Variants in STRIP1 observed in about 807,000 individuals in gnomAD.
The protein encoded by STRIP1 is striatin interacting protein 1.
STRIP1 carries 63 observed loss-of-function variants against 106.2 expected under a neutral mutation model. The observed-to-expected ratio is 0.59, with a 90% confidence interval of 0.48 to 0.73. The LOEUF is 0.73. STRIP1 is among the 30% of genes least tolerant of loss of function. The pLI, the probability that STRIP1 is intolerant of heterozygous loss-of-function variation, is 0.00. For synonymous variants in STRIP1, 390 were observed against 413.0 expected (o/e 0.94, Z 0.67); for missense variants, 857 against 1,074.8 (o/e 0.80, Z 2.83).
Position 110,041,626 on chromosome 1 carries a change from C to T in STRIP1, c.741C>T (p.Thr247=). ...CTGAGTGGAGGACCATGCGGCAGAC[C>T]TTCAGAGCCGAGCTGGGTAGGACCC... ...DKAEWRTMRQ[T]FRAELGSPLY... The change falls in exon 7 of 21, where the codon ACC becomes ACT. Residue 247 remains threonine (T), a synonymous_variant. Coordinates refer to ENST00000369795, the MANE Select transcript of STRIP1 (RefSeq NM_033088.4). 6.2e-7 allele frequency: 1 copy of T among 1,614,124 alleles called. No homozygotes were observed. Among genetic ancestry groups the T allele is most frequent in the African/African-American group, 1.3e-5 (1 of 75,020 alleles).
At position 110,054,019 on chromosome 1, in the gene STRIP1, C is replaced by T; in HGVS notation, c.*107C>T. The T allele has an allele frequency of 7.2e-7, 1 of 1,392,708 alleles. No individual in the cohort carries two copies. The allele number at this position is 1,392,708 out of a possible 1,614,324, so 86.3% of individuals were successfully genotyped here. On this transcript the variant is annotated 3_prime_UTR_variant, in exon 21 of 21. Transcript: ENST00000369795. ...GCTCCCATCCCCCACCAGGTGGCAG[C>T]ACAGCCCCACTGTGTCTTCCGCAGT...
At chr1:110,036,312 G>A (rs546512359) in intron 1 of STRIP1, among the ~76,000 whole-genome samples, 2 of 152,108 alleles carry the variant, frequency 1.3e-5, no homozygotes, top group Non-Finnish European at 2.9e-5. Flanking sequence ...AATTAGCCGG[G>A]CGTGGTGGCT....
At position 110,051,004 on chromosome 1, in the gene STRIP1, A is replaced by G. The variant is rs376850167; in HGVS notation, c.2005A>G (p.Ile669Val). The G allele has an allele frequency of 1.9e-5, 31 of 1,613,964 alleles. No homozygotes were observed. The highest frequency in any genetic ancestry group is 2.6e-5 in the Non-Finnish European group (31 of 1,179,920). The change falls in exon 19 of 21, where the codon ATC becomes GTC. Residue 669 changes from isoleucine to valine, a missense_variant. By Grantham distance (29) the Ile-to-Val change is conservative. Coordinates refer to ENST00000369795, the MANE Select transcript of STRIP1 (RefSeq NM_033088.4). The part of the protein sequence containing the change: ...QFCWRNLFSC[I>V]NLLRILNKLT... ...TTGCTGGAGGAACCTCTTTTCTTGT[A>G]TCAATCTGCTTCGGATCTTGAACAA...
chr1:110,040,533 C>T (rs1373848772), intron 5 of STRIP1, 102 bp from the exon 6 acceptor site: 1 of 1,124,268 alleles, frequency 8.9e-7, no homozygotes. Flanking sequence ...GCAGTCCAAG[C>T]ACGTATCACA....
In STRIP1 at chr1:110,039,224, C is replaced by T; in HGVS notation, c.378C>T (p.Ala126=). Residue 126 remains alanine, a synonymous_variant, in exon 4 of 21, where the codon GCC becomes GCT. Coordinates refer to ENST00000369795, the MANE Select transcript of STRIP1 (RefSeq NM_033088.4). ...ELDTNQHRTH[A]MRLLDGLEVT... ...ATACCAACCAGCACCGGACCCATGC[C>T]ATGAGGCTCCTGGATGGCTTGGAAG... 6.2e-7 allele frequency: 1 copy of T among 1,614,230 alleles called. No homozygotes were observed. Among genetic ancestry groups the T allele is most frequent in the Non-Finnish European group, 8.5e-7 (1 of 1,180,046 alleles).
Position 110,054,028 on chromosome 1 carries a change from A to G in STRIP1, c.*116A>G. 4 of 1,328,462 alleles carry G rather than the reference A, an allele frequency of 3.0e-6. No homozygotes were observed. The highest frequency in any genetic ancestry group is 2.3e-5 in the East Asian group (1 of 43,344). 82.3% of individuals were successfully genotyped at this position (1,328,462 alleles called of 1,614,324 possible). On this transcript the variant is annotated 3_prime_UTR_variant, in exon 21 of 21. Transcript: ENST00000369795. ...CCCCACCAGGTGGCAGCACAGCCCC[A>G]CTGTGTCTTCCGCAGTCTGTCCTGG... is the stretch of plus-strand genomic sequence containing the variant.
rs1652659232 is a variant in STRIP1 at position 110,039,575 on chromosome 1, G to C, written c.581+60G>C. Reference sequence around the variant, plus strand: ...AGGCTGGGATGGGAAGGGGGACAGAGCTTGCAGAACTAACTGGCTTTGAGA... The same window carrying C: ...AGGCTGGGATGGGAAGGGGGACAGACCTTGCAGAACTAACTGGCTTTGAGA... On this transcript the variant is annotated intron_variant, in intron 5 of 20. Transcript: ENST00000369795. The C allele has an allele frequency of 3.2e-6, 5 of 1,548,076 alleles. No individual in the cohort carries two copies. In the East Asian group the frequency reaches 7.1e-5, roughly 22 times the overall value.
intron 1 of STRIP1, among the ~76,000 whole-genome samples, chr1:110,036,597 A>G (rs1250595646): frequency 6.6e-6 from 1 of 152,186 alleles, no homozygotes; most frequent in African/African-American, 2.4e-5. Flanking sequence ...TGAAATCGGT[A>G]GTTTGGGAGC....
chr1:110,051,499 T>C (rs1653301413), intron 19 of STRIP1, among the ~76,000 whole-genome samples, 184 bp from the exon 20 acceptor site: 1 of 152,226 alleles, frequency 6.6e-6, no homozygotes, highest in South Asian at 2.1e-4. Flanking sequence ...TCCTGGTTTG[T>C]CTGGAACTCT....
chr1:110,054,154 T>G lies in STRIP1; in HGVS notation c.*242T>G. 1.9e-6 allele frequency: 1 copy of G among 518,338 alleles called. No homozygotes were observed. Among genetic ancestry groups the G allele is most frequent in the South Asian group, 2.2e-5 (1 of 44,826 alleles). 32.1% of individuals were successfully genotyped at this position (518,338 alleles called of 1,614,324 possible). On this transcript the variant is annotated 3_prime_UTR_variant, in exon 21 of 21. Coordinates refer to ENST00000369795, the MANE Select transcript of STRIP1 (RefSeq NM_033088.4). Reference sequence around the variant, plus strand: ...CATTCTTCCTTTACTTCCCCCACCCTCCTCTCTTGGATATGGTTGGTTTTG... The same window carrying G: ...CATTCTTCCTTTACTTCCCCCACCCGCCTCTCTTGGATATGGTTGGTTTTG...
Position 110,043,134 on chromosome 1 carries a change from A to C in STRIP1, c.932A>C (p.Lys311Thr), listed in dbSNP as rs1652847472. The C allele has an allele frequency of 1.2e-6, 2 of 1,613,902 alleles. No homozygotes were observed. Among genetic ancestry groups the C allele is most frequent in the Non-Finnish European group, 1.7e-6 (2 of 1,180,012 alleles). Residue 311 changes from lysine (K) to threonine (T), a missense_variant, in exon 9 of 21, where the codon AAG becomes ACG. By Grantham distance (78) the Lys-to-Thr change is moderately conservative. Coordinates refer to ENST00000369795, the MANE Select transcript of STRIP1 (RefSeq NM_033088.4). ...FEELQSMKAE[K>T]RSILGLPPLP... ...GAGCTGCAGAGCATGAAGGCTGAGAAGCGCAGCATCCTGGGCCTCCCCCCG... is the reference window on the plus strand; with the variant it reads ...GAGCTGCAGAGCATGAAGGCTGAGACGCGCAGCATCCTGGGCCTCCCCCCG...
In STRIP1 at chr1:110,039,288, A is replaced by G. The variant is rs1248868573; in HGVS notation, c.442A>G (p.Ile148Val). 37 of 1,614,042 alleles carry G rather than the reference A, an allele frequency of 2.3e-5. No homozygotes were observed. Among genetic ancestry groups the G allele is most frequent in the Non-Finnish European group, 3.1e-5 (37 of 1,180,036 alleles). ...REKRLKVARAILYVAQGTFGE... is the reference protein window; with the variant it reads ...REKRLKVARAVLYVAQGTFGE... Reference sequence around the variant, plus strand: ...GAAGAGACTCAAGGTGGCTCGAGCAATTCTCTATGTTGCTCAAGGTATTGA... The same window carrying G: ...GAAGAGACTCAAGGTGGCTCGAGCAGTTCTCTATGTTGCTCAAGGTATTGA... The change falls in exon 4 of 21, where the codon ATT becomes GTT. Residue 148 changes from isoleucine to valine, a missense_variant. This residue lies in a region of STRIP1 where 750 missense variants were observed against 989.8 expected (regional missense o/e 0.76). Transcript: ENST00000369795.
At chr1:110,041,405 G>T in intron 6 of STRIP1, 131 bp from the exon 7 acceptor site, 1 of 652,794 alleles carries the variant, frequency 1.5e-6, no homozygotes, top group Non-Finnish European at 2.7e-6. Flanking sequence ...GGCCATTCTT[G>T]TTCATACTCA....
Position 110,047,532 on chromosome 1 carries a change from A to G in STRIP1, c.1489-10A>G, listed in dbSNP as rs2101780561. On this transcript the variant is annotated splice_polypyrimidine_tract_variant and intron_variant, in intron 13 of 20. Transcript: ENST00000369795. ...CTGGGGTTTTATGCTTGTACTCATT[A>G]TGTTAAAAGGGAGAAGAAGAAGTTG... is the stretch of plus-strand genomic sequence containing the variant. 6.2e-7 allele frequency: 1 copy of G among 1,607,986 alleles called. No homozygotes were observed. Among genetic ancestry groups the G allele is most frequent in the Non-Finnish European group, 8.5e-7 (1 of 1,176,612 alleles).
At chr1:110,039,062 A>G in intron 3 of STRIP1, 110 bp from the exon 4 acceptor site, 1 of 1,266,812 alleles carries the variant, frequency 7.9e-7, no homozygotes, top group Non-Finnish European at 1.1e-6. Flanking sequence ...CATAGGGTGT[A>G]ACTTATCTTT....
At chr1:110,040,443 A>T (rs1361383115) in intron 5 of STRIP1, among the ~76,000 whole-genome samples, 192 bp from the exon 6 acceptor site, 1 of 152,184 alleles carries the variant, frequency 6.6e-6, no homozygotes, top group African/African-American at 2.4e-5. Flanking sequence ...CGGCCTCCCG[A>T]AGTACTGGGA....
intron 20 of STRIP1, 82 bp from the exon 21 acceptor site, chr1:110,053,583 C>T (rs1455433775): frequency 2.6e-6 from 4 of 1,556,164 alleles, no homozygotes; most frequent in African/African-American, 2.7e-5. Flanking sequence ...TTAGTTGACA[C>T]TCAATATTCC....
chr1:110,042,334 C>T (rs1178408185), intron 8 of STRIP1, among the ~76,000 whole-genome samples: 3 of 152,170 alleles, frequency 2.0e-5, no homozygotes, highest in South Asian at 2.1e-4. Flanking sequence ...CAGAGTGGGC[C>T]GTCCAGCACA....
chr1:110,049,524 A>G lies in STRIP1; in HGVS notation c.1853A>G (p.Asn618Ser), dbSNP rs1034880515. Residue 618 changes from asparagine (N) to serine (S), a missense_variant, in exon 17 of 21, where the codon AAT (asparagine) becomes AGT (serine). Coordinates refer to ENST00000369795, the MANE Select transcript of STRIP1 (RefSeq NM_033088.4). ...NCIPLILKFF[N>S]QNIMSYITAK... ...ATTCCTTTGATCCTAAAGTTCTTCAATCAAAACATCATGTCCTACATCACT... is the reference window on the plus strand; with the variant it reads ...ATTCCTTTGATCCTAAAGTTCTTCAGTCAAAACATCATGTCCTACATCACT... The G allele has an allele frequency of 3.1e-6, 5 of 1,613,414 alleles. No homozygotes were observed. Among genetic ancestry groups the G allele is most frequent in the Non-Finnish European group, 4.2e-6 (5 of 1,179,866 alleles).
Sources: allele counts gnomAD v4.1 joint callset (sites outside exome capture counted in the v4.1 genomes callset), GRCh38; gene constraint gnomAD v4.1.1; regional missense constraint gnomAD v4.1.1; transcripts MANE v1.5; gene names NCBI Gene and HGNC (gene_info 2026-07-23, HGNC 2026-07-21).